Variants in OTUD7A observed in about 807,000 individuals in gnomAD.
The protein encoded by OTUD7A is OTU deubiquitinase 7A.
In OTUD7A, 12 loss-of-function variants were observed where a neutral mutation model predicts 65.7. The ratio of observed to expected loss-of-function variants is 0.18; its 90% CI spans 0.12 to 0.30. OTUD7A has a LOEUF of 0.30. Among genes scored for constraint, OTUD7A ranks in the 10% least tolerant of loss-of-function variants. The pLI is 1.00. For missense variants in OTUD7A, 1,148 were observed against 1,304.8 expected (o/e 0.88, Z 1.85); for synonymous variants, 641 against 586.3 (o/e 1.09, Z -1.35).
chr15:31,713,563 G>A (rs1241448858), intron 1 of OTUD7A, among the ~76,000 whole-genome samples: 150 of 151,934 alleles, frequency 9.9e-4, no homozygotes, highest in Non-Finnish European at 1.7e-3. Flanking sequence ...AGGTTGCAAT[G>A]AGCTGAGATC....
At chr15:31,721,913 G>A (rs1372511101) in intron 1 of OTUD7A, among the ~76,000 whole-genome samples, 5 of 152,208 alleles carry the variant, frequency 3.3e-5, no homozygotes, top group Admixed American at 6.5e-5. Flanking sequence ...CTGAATTCCC[G>A]ATGCCCAGTG....
chr15:31,693,876 CT>C (rs1335298942), intron 1 of OTUD7A, among the ~76,000 whole-genome samples: 5 of 152,206 alleles, frequency 3.3e-5, no homozygotes, highest in African/African-American at 1.2e-4. Context: ...TGCTTTGTCC[CT>C]GCATCACCAC....
At chr15:31,595,196 C>G (rs949037877) in intron 3 of OTUD7A, among the ~76,000 whole-genome samples, 3 of 152,146 alleles carry the variant, frequency 2.0e-5, no homozygotes, top group African/African-American at 7.2e-5. Context: ...AAGCCTGTGC[C>G]TGGAGTGTGC....
At position 31,475,670 on chromosome 15, in the gene OTUD7A, C is replaced by G. The variant is rs2041006282; in HGVS notation, c.*7624G>C. On this transcript the variant is annotated 3_prime_UTR_variant, in exon 13 of 13. Transcript: ENST00000307050. The stretch of plus-strand genomic sequence containing the variant: ...AATATCCCAACCACAGAAGACAGCT[C>G]TTACAATGGGTTTCTTCTCCAAGAA... 6.6e-6 allele frequency: 1 copy of G among 152,208 alleles called. No homozygotes were observed. Among genetic ancestry groups the G allele is most frequent in the African/African-American group, 2.4e-5 (1 of 41,450 alleles). The allele number at this position is 152,208 out of a possible 1,614,324, so 9.4% of individuals were successfully genotyped here.
rs114466917 is a variant in OTUD7A, at chr15:31,857,844, C to G, written c.-100+12663G>C. Among the ~76,000 whole-genome samples the G allele has an allele frequency of 6.8e-3, 1,036 of 152,334 alleles. 15 individuals carry two copies. The highest frequency in any genetic ancestry group is 0.024 in the African/African-American group (999 of 41,566). On this transcript the variant is annotated intron_variant, in intron 1 of 12. Transcript: ENST00000307050. ...GGGCTTTTCTGCTGAGACTGCAGCA[C>G]TGAACCACAAGCCCTCTCTATTATA... is the stretch of plus-strand genomic sequence containing the variant.
At chr15:31,541,852 G>T (rs957876399) in intron 5 of OTUD7A, among the ~76,000 whole-genome samples, 1 of 152,252 alleles carries the variant, frequency 6.6e-6, no homozygotes, top group East Asian at 1.9e-4. Flanking sequence ...TGAATGCAAA[G>T]ATTAGAAATA....
At chr15:31,854,571 T>G (rs560895306) in intron 1 of OTUD7A, among the ~76,000 whole-genome samples, 1 of 152,354 alleles carries the variant, frequency 6.6e-6, no homozygotes, top group East Asian at 1.9e-4. Context: ...CTCATCTTTC[T>G]GCCTCCCTCC....
At chr15:31,631,611 A>G (rs1891158251) in intron 3 of OTUD7A, among the ~76,000 whole-genome samples, 1 of 152,020 alleles carries the variant, frequency 6.6e-6, no homozygotes, top group African/African-American at 2.4e-5. Flanking sequence ...CGTTCTCTGT[A>G]TTTCCTGAAT....
intron 1 of OTUD7A, among the ~76,000 whole-genome samples, chr15:31,778,427 A>C (rs1895446626): frequency 1.3e-5 from 2 of 152,236 alleles, no homozygotes; most frequent in Non-Finnish European, 2.9e-5. Flanking sequence ...TGTATATCCA[A>C]AGGAAAGAGA....
rs565185255 is a variant in OTUD7A at position 31,663,118 on chromosome 15, T to C, written c.-99-6041A>G. 1.7e-4 allele frequency among the ~76,000 whole-genome samples: 26 copies of C among 151,846 alleles called. 1 individual carries two copies. In the East Asian group the frequency reaches 4.9e-3, roughly 28 times the overall value. ...CCAAATCCTGTCCGATTTCCTTGATTAATGCATTCAATATAATATTACATA... is the reference window on the plus strand; with the variant it reads ...CCAAATCCTGTCCGATTTCCTTGATCAATGCATTCAATATAATATTACATA... On this transcript the variant is annotated intron_variant, in intron 1 of 12. Transcript: ENST00000307050.
intron 3 of OTUD7A, among the ~76,000 whole-genome samples, chr15:31,579,600 C>T (rs1889310250): frequency 6.6e-6 from 1 of 152,176 alleles, no homozygotes; most frequent in African/African-American, 2.4e-5. Flanking sequence ...CTGGAATTTT[C>T]CATTTAGTAT....
chr15:31,576,064 G>C (rs1388993147), intron 3 of OTUD7A, among the ~76,000 whole-genome samples: 1 of 152,098 alleles, frequency 6.6e-6, no homozygotes. Context: ...AAGCCAAAGG[G>C]TGTCAGGCAA....
intron 1 of OTUD7A, among the ~76,000 whole-genome samples, chr15:31,737,887 T>A (rs1452887650): frequency 6.6e-6 from 1 of 152,216 alleles, no homozygotes; most frequent in East Asian, 1.9e-4. Flanking sequence ...TAGGGAATCA[T>A]GGACAGTCAC....
At chr15:31,751,611 T>A (rs1197924664) in intron 1 of OTUD7A, among the ~76,000 whole-genome samples, 1 of 152,184 alleles carries the variant, frequency 6.6e-6, no homozygotes, top group African/African-American at 2.4e-5. Context: ...GATACAAGCA[T>A]ACGTATATTC....
intron 1 of OTUD7A, among the ~76,000 whole-genome samples, chr15:31,700,170 T>C (rs2625831): frequency 0.96 from 144,976 of 150,964 alleles, 69,890 homozygotes; most frequent in East Asian, 1. Flanking sequence ...CATCTCCCCA[T>C]GACTTCAGTT....
In OTUD7A at chr15:31,478,246, T is replaced by C. The variant is rs1477557406; in HGVS notation, c.*5048A>G. The C allele has an allele frequency of 6.6e-6, 1 of 152,244 alleles. No homozygotes were observed. The highest frequency in any genetic ancestry group is 1.5e-5 in the Non-Finnish European group (1 of 68,036). The allele number at this position is 152,244 out of a possible 1,614,324, so 9.4% of individuals were successfully genotyped here. A position where few individuals can be genotyped will look rare whatever the true frequency, so the allele number is the denominator to read the frequency against. ...TCTAAAACAGCTGGTTTCACTCATT[T>C]GTCCTCATTAAATAGGTTGCTTTGG... On this transcript the variant is annotated 3_prime_UTR_variant, in exon 13 of 13. Coordinates refer to ENST00000307050, the MANE Select transcript of OTUD7A (RefSeq NM_001382637.1).
chr15:31,670,720 G>T (rs576781169), intron 1 of OTUD7A, among the ~76,000 whole-genome samples: 1 of 152,096 alleles, frequency 6.6e-6, no homozygotes, highest in Admixed American at 6.5e-5. Context: ...GGCCGGGCGC[G>T]GTGGCTCACG....
At chr15:31,819,776 G>A (rs1034648026) in intron 1 of OTUD7A, among the ~76,000 whole-genome samples, 7 of 151,684 alleles carry the variant, frequency 4.6e-5, no homozygotes, top group African/African-American at 1.5e-4. Flanking sequence ...TAAGTAACAT[G>A]TAACAAGTCG....
At chr15:31,840,870 AC>A (rs1897167193) in intron 1 of OTUD7A, among the ~76,000 whole-genome samples, 2 of 152,196 alleles carry the variant, frequency 1.3e-5, no homozygotes, top group African/African-American at 4.8e-5. Flanking sequence ...CTATCCATCT[AC>A]TACTGAGGAT....
Sources: gnomAD v4.1 joint callset for allele counts (sites outside exome capture counted in the v4.1 genomes callset) on GRCh38, gnomAD v4.1.1 for gene constraint, MANE v1.5 for transcripts, NCBI Gene and HGNC (gene_info 2026-07-23, HGNC 2026-07-21) for gene names.